Variants in KIAA1217 observed in about 807,000 individuals in gnomAD.
KIAA1217 encodes sickle tail protein homolog.
A neutral mutation model predicts 163.9 loss-of-function variants in KIAA1217; 88 were observed. That is an observed-to-expected ratio of 0.54 (90% CI 0.45 to 0.64). The LOEUF (loss-of-function observed/expected upper bound fraction) is 0.64, where lower values mean the gene tolerates loss of function less well. Among genes scored for constraint, KIAA1217 ranks in the 30% least tolerant of loss-of-function variants. The probability of loss-of-function intolerance (pLI) is 0.00; values close to 1 mark genes in which losing one functional copy is unlikely to be tolerated. For synonymous variants in KIAA1217, 903 were observed against 923.1 expected (o/e 0.98, Z 0.39); for missense variants, 2,372 against 2,475.0 (o/e 0.96, Z 0.88).
chr10:23,890,846 T>TA (rs1230973420), intron 1 of KIAA1217, among the ~76,000 whole-genome samples: 2 of 151,978 alleles, frequency 1.3e-5, no homozygotes, highest in African/African-American at 2.4e-5. Flanking sequence ...AGAGCAATAA[T>TA]AAAAAACTCC....
chr10:24,476,761 G>A (rs1405176801), intron 6 of KIAA1217, among the ~76,000 whole-genome samples: 2 of 151,892 alleles, frequency 1.3e-5, no homozygotes, highest in East Asian at 3.9e-4. Context: ...GGAATGCTTG[G>A]GTATATGTGG....
chr10:23,911,942 A>C (rs2131270752), intron 1 of KIAA1217, among the ~76,000 whole-genome samples: 1 of 152,204 alleles, frequency 6.6e-6, no homozygotes, highest in East Asian at 1.9e-4. Flanking sequence ...ATGAGTACAA[A>C]TCATACCCTC....
intron 1 of KIAA1217, among the ~76,000 whole-genome samples, chr10:23,868,785 A>G (rs905696849): frequency 6.6e-6 from 1 of 152,260 alleles, no homozygotes; most frequent in African/African-American, 2.4e-5. Flanking sequence ...TTTATTGGAT[A>G]TAGTAGCTAA....
At chr10:24,271,653 G>C (rs1252751670) in intron 2 of KIAA1217, among the ~76,000 whole-genome samples, 3 of 151,956 alleles carry the variant, frequency 2.0e-5, no homozygotes, top group South Asian at 4.2e-4. Context: ...TGGAGAGGCT[G>C]AGGTGGAAGG....
intron 2 of KIAA1217, among the ~76,000 whole-genome samples, chr10:24,345,327 C>T (rs144298963): frequency 2.8e-4 from 42 of 152,240 alleles, no homozygotes; most frequent in East Asian, 1.9e-4. Context: ...CGTAGGAATA[C>T]GGCAATATTT....
chr10:23,754,625 T>C (rs1272915898), intron 1 of KIAA1217, among the ~76,000 whole-genome samples: 1 of 152,176 alleles, frequency 6.6e-6, no homozygotes, highest in African/African-American at 2.4e-5. Flanking sequence ...TCTCCCGCTC[T>C]CTCTATCCTT....
intron 2 of KIAA1217, among the ~76,000 whole-genome samples, chr10:24,069,716 A>G (rs1032693341): frequency 6.6e-6 from 1 of 152,240 alleles, no homozygotes; most frequent in African/African-American, 2.4e-5. Context: ...AAAGGGAATT[A>G]ATTCATTTAT....
At chr10:23,811,146 T>A (rs1007714537) in intron 1 of KIAA1217, among the ~76,000 whole-genome samples, 1 of 140,576 alleles carries the variant, frequency 7.1e-6, no homozygotes, top group Admixed American at 7.4e-5. Context: ...GATTATACTA[T>A]GTATATAGTA....
chr10:24,206,090 G>A (rs1311531921), upstream of KIAA1217, among the ~76,000 whole-genome samples: 1 of 152,084 alleles, frequency 6.6e-6, no homozygotes, highest in Non-Finnish European at 1.5e-5. Context: ...GCAACATATG[G>A]AACCACTAAC....
intron 1 of KIAA1217, among the ~76,000 whole-genome samples, chr10:23,887,302 G>A (rs976044369): frequency 4.6e-5 from 7 of 151,856 alleles, no homozygotes; most frequent in African/African-American, 1.7e-4. Flanking sequence ...AAAATAGATT[G>A]TGTCAATGCT....
At chr10:23,721,447 G>A (rs1056218871) in intron 1 of KIAA1217, among the ~76,000 whole-genome samples, 1 of 152,040 alleles carries the variant, frequency 6.6e-6, no homozygotes, top group Admixed American at 6.6e-5. Flanking sequence ...TGAAGTCAGG[G>A]TTACTGTTAT....
In KIAA1217 at chr10:24,438,401, A is replaced by T. The variant is rs772417047; in HGVS notation, c.768A>T (p.Arg256Ser). The change falls in exon 5 of 21, where the codon AGA becomes AGT. Residue 256 changes from arginine (R) to serine (S), a missense_variant. Arg to Ser is a moderately radical substitution (Grantham distance 110). Transcript: ENST00000376454. ...TTGATTCCAGGAACATTCAAGACAG[A>T]TCACTCCTCAAAGTGTACAACAAGG... is the stretch of plus-strand genomic sequence containing the variant. ...ELNDVRNIQD[R>S]SLLKVYNKDP... 7.4e-6 allele frequency: 12 copies of T among 1,612,730 alleles called. No homozygotes were observed. In the South Asian group the frequency reaches 1.3e-4, roughly 18 times the overall value.
intron 2 of KIAA1217, among the ~76,000 whole-genome samples, chr10:24,327,400 CT>C (rs1239322067): frequency 1.3e-5 from 2 of 152,158 alleles, no homozygotes; most frequent in African/African-American, 4.8e-5. Context: ...GTAAAGTCCC[CT>C]ATAAGTATAA....
In KIAA1217 at chr10:24,337,496, C is replaced by T. The variant is rs549449400; in HGVS notation, c.355-43373C>T. Among the ~76,000 whole-genome samples the T allele has an allele frequency of 5.3e-5, 8 of 152,266 alleles. No individual in the cohort carries two copies. In the South Asian group the frequency reaches 1.0e-3, roughly 20 times the overall value. On this transcript the variant is annotated intron_variant, in intron 2 of 20. Transcript: ENST00000376454. ...CTTATATTGGGTTGGTCTGCCCATG[C>T]GCATCACACTTCATGAGAATATGAC... is the stretch of plus-strand genomic sequence containing the variant.
At chr10:23,761,085 A>C (rs551338353) in intron 1 of KIAA1217, among the ~76,000 whole-genome samples, 11 of 152,034 alleles carry the variant, frequency 7.2e-5, no homozygotes, top group African/African-American at 1.9e-4. Context: ...TCTCATCTCT[A>C]CAAAAAAAAA....
At chr10:24,408,221 A>G (rs1200161869) in intron 3 of KIAA1217, among the ~76,000 whole-genome samples, 1 of 152,168 alleles carries the variant, frequency 6.6e-6, no homozygotes, top group African/African-American at 2.4e-5. Context: ...TGTGCAGTAT[A>G]GTGCCTGAAC....
chr10:24,423,277 G>T (rs1200975155), intron 3 of KIAA1217, among the ~76,000 whole-genome samples: 2 of 147,356 alleles, frequency 1.4e-5, no homozygotes, highest in African/African-American at 5.0e-5. Flanking sequence ...ACACTTATGA[G>T]TCTTTAAAGC....
chr10:24,428,296 G>C (rs750120011), intron 3 of KIAA1217, among the ~76,000 whole-genome samples: 1 of 152,130 alleles, frequency 6.6e-6, no homozygotes, highest in African/African-American at 2.4e-5. Context: ...CACATCCCAC[G>C]TGGGGCCAAG....
intron 10 of KIAA1217, among the ~76,000 whole-genome samples, chr10:24,519,786 C>A (rs2070795375): frequency 6.6e-6 from 1 of 152,086 alleles, no homozygotes; most frequent in South Asian, 2.1e-4. Context: ...TCTCTCCTAC[C>A]CCACCCTCCC....
Sources: allele counts gnomAD v4.1 joint callset (sites outside exome capture counted in the v4.1 genomes callset), GRCh38; gene constraint gnomAD v4.1.1; transcripts MANE v1.5; gene names NCBI Gene and HGNC (gene_info 2026-07-23, HGNC 2026-07-21).